FCHO1: variants seen among roughly 807,000 people sequenced by gnomAD.
FCHO1 encodes the protein F-BAR domain only protein 1.
In FCHO1, 45 loss-of-function variants were observed where a neutral mutation model predicts 114.4. That is an observed-to-expected ratio of 0.39 (90% CI 0.31 to 0.50). The LOEUF (loss-of-function observed/expected upper bound fraction) is 0.50, where lower values mean the gene tolerates loss of function less well. Among genes scored for constraint, FCHO1 ranks in the 20% least tolerant of loss-of-function variants. The pLI, the probability that FCHO1 is intolerant of heterozygous loss-of-function variation, is 0.77. For missense variants in FCHO1, 1,042 were observed against 1,209.6 expected (o/e 0.86, Z 2.06); for synonymous variants, 480 against 488.9 (o/e 0.98, Z 0.24).
chr19:17,761,164 G>A (rs2085988349), intron 4 of FCHO1, among the ~76,000 whole-genome samples: 1 of 152,144 alleles, frequency 6.6e-6, no homozygotes, highest in South Asian at 2.1e-4. Context: ...TTTATTCAAC[G>A]AACTCAAATG....
At chr19:17,779,262 A>G (rs1000140049) in intron 20 of FCHO1, among the ~76,000 whole-genome samples, 22 of 152,146 alleles carry the variant, frequency 1.4e-4, no homozygotes, top group Admixed American at 1.2e-3. Flanking sequence ...GTGATCACGG[A>G]AGGAGGAAGA....
chr19:17,748,168 G>A (rs2081017199), upstream of FCHO1, among the ~76,000 whole-genome samples: 1 of 152,200 alleles, frequency 6.6e-6, no homozygotes, highest in African/African-American at 2.4e-5. Context: ...CTTCCAGCCT[G>A]GAACCCTGGG....
chr19:17,785,586 C>T (rs1308762879), intron 26 of FCHO1, among the ~76,000 whole-genome samples: 1 of 152,184 alleles, frequency 6.6e-6, no homozygotes, highest in African/African-American at 2.4e-5. Flanking sequence ...GCAATCCCAG[C>T]ACTTTGGGAG....
chr19:17,774,674 G>C (rs1306453046), intron 13 of FCHO1, 196 bp downstream of exon 13: 1 of 597,500 alleles, frequency 1.7e-6, no homozygotes, highest in Admixed American at 3.0e-5. Flanking sequence ...GCCCAAGCTA[G>C]TCCAGAATTC....
chr19:17,784,714 A>G lies in FCHO1; in HGVS notation c.2227-11A>G, dbSNP rs748679406. On this transcript the variant is annotated splice_polypyrimidine_tract_variant and intron_variant, in intron 25 of 28. Transcript: ENST00000596536. The surrounding 1 kb of genome is among the most constrained non-coding windows in gnomAD (Gnocchi z 5.3). ...AAGCTGTGTCCTCTCTCTCATTCTCATTCTTCCTAGTTCTCCCGCCCGGGT... is the reference window on the plus strand; with the variant it reads ...AAGCTGTGTCCTCTCTCTCATTCTCGTTCTTCCTAGTTCTCCCGCCCGGGT... The G allele has an allele frequency of 2.5e-6, 4 of 1,613,404 alleles. No individual in the cohort carries two copies. Among genetic ancestry groups the G allele is most frequent in the East Asian group, 2.2e-5 (1 of 44,874 alleles).
At chr19:17,787,585 C>A in intron 27 of FCHO1, 97 bp from the exon 28 acceptor site, 3 of 1,373,894 alleles carry the variant, frequency 2.2e-6, no homozygotes, top group Non-Finnish European at 2.9e-6. Context: ...ATAAAGGCCA[C>A]AGAACAGAGG....
At position 17,788,336 on chromosome 19, in the gene FCHO1, A is replaced by G. The variant is rs571208344; in HGVS notation, c.*30A>G. 1 of 1,594,502 alleles carries G rather than the reference A, an allele frequency of 6.3e-7. No individual in the cohort carries two copies. Among genetic ancestry groups the G allele is most frequent in the South Asian group, 1.1e-5 (1 of 90,328 alleles). ...GCAAATGCTGCTGCCCCAGCTCTAC[A>G]CTGCGCCCTGGTGCTGGCTGACCAC... On this transcript the variant is annotated 3_prime_UTR_variant, in exon 29 of 29. Coordinates refer to ENST00000596536, the MANE Select transcript of FCHO1 (RefSeq NM_015122.3).
Position 17,762,743 on chromosome 19 carries a change from C to G in FCHO1, c.28-19C>G, listed in dbSNP as rs765589527. ...TGTTCTCTCCATCCTTTCTCAATCT[C>G]TATTCCCATCCCCTGCAGGGCGAGA... is the stretch of plus-strand genomic sequence containing the variant. On this transcript the variant is annotated intron_variant, in intron 4 of 28. Transcript: ENST00000596536. 5.1e-6 allele frequency: 8 copies of G among 1,579,276 alleles called. No homozygotes were observed. Among genetic ancestry groups the G allele is most frequent in the East Asian group, 4.5e-5 (2 of 44,696 alleles).
intron 28 of FCHO1, 34 bp from the exon 29 acceptor site, chr19:17,788,245 TCCTCC>T: frequency 2.1e-6 from 1 of 474,974 alleles, no homozygotes; most frequent in Non-Finnish European, 3.9e-6. Context: ...CCCGTACCCC[TCCTCC>T]CCACCCCTCC....
chr19:17,773,007 A>G (rs1218337853), intron 11 of FCHO1, among the ~76,000 whole-genome samples: 10 of 152,158 alleles, frequency 6.6e-5, no homozygotes, highest in Non-Finnish European at 4.4e-5. Flanking sequence ...TGACAAGTCC[A>G]GCTCTCCAGC....
intron 4 of FCHO1, among the ~76,000 whole-genome samples, chr19:17,759,594 C>T (rs1447926528): frequency 3.9e-5 from 6 of 151,954 alleles, no homozygotes; most frequent in African/African-American, 7.3e-5. Context: ...CAACAGCGGG[C>T]GCAGAGGACC....
chr19:17,749,017 T>C (rs1568305094), upstream of FCHO1, among the ~76,000 whole-genome samples: 1 of 152,122 alleles, frequency 6.6e-6, no homozygotes, highest in Non-Finnish European at 1.5e-5. Context: ...GCTGAGGGCA[T>C]GGGGACAGGG....
chr19:17,769,273 T>TAA (rs2090571153), intron 7 of FCHO1, among the ~76,000 whole-genome samples: 2 of 5,680 alleles, frequency 3.5e-4, no homozygotes, highest in Non-Finnish European at 3.9e-4. Context: ...AGACTCCGCC[T>TAA]CAAAAAAAAA....
intron 18 of FCHO1, among the ~76,000 whole-genome samples, chr19:17,777,515 A>T (rs1455675241): frequency 7.4e-6 from 1 of 135,914 alleles, no homozygotes; most frequent in African/African-American, 2.9e-5. Flanking sequence ...CAGCCTGGGC[A>T]GCAAGAGGAA....
At chr19:17,762,187 T>C (rs1032235065) in intron 4 of FCHO1, among the ~76,000 whole-genome samples, 6 of 152,172 alleles carry the variant, frequency 3.9e-5, no homozygotes, top group Non-Finnish European at 8.8e-5. Flanking sequence ...AGTTTTGCCA[T>C]GTTGGCCAGG....
Position 17,775,843 on chromosome 19 carries a change from G to A in FCHO1, c.1004-140G>A. The A allele has an allele frequency of 1.0e-6, 1 of 967,806 alleles. No individual in the cohort carries two copies. The highest frequency in any genetic ancestry group is 1.6e-5 in the South Asian group (1 of 62,972). The allele number at this position is 967,806 out of a possible 1,614,324, so 60.0% of individuals were successfully genotyped here. ...GGAGTGCTGGTGGGACATGGTGTCA[G>A]GACTGAAGGTGGCGCGTGGTGAGCG... On this transcript the variant is annotated intron_variant, in intron 15 of 28. Coordinates refer to ENST00000596536, the MANE Select transcript of FCHO1 (RefSeq NM_015122.3). This position sits in a 1 kb window ranked among gnomAD's most constrained non-coding sequence, Gnocchi z 5.1.
rs546222879 is a variant in FCHO1 at position 17,786,048 on chromosome 19, A to G, written c.2427-526A>G. On this transcript the variant is annotated intron_variant, in intron 26 of 28. Coordinates refer to ENST00000596536, the MANE Select transcript of FCHO1 (RefSeq NM_015122.3). ...GAATGCGTCATCTAAAAGTGCTGCA[A>G]GGAAGCCGGGCATGGTGGCTTATGC... 9.4e-4 allele frequency among the ~76,000 whole-genome samples: 143 copies of G among 152,206 alleles called. 2 individuals are homozygous for G. Among genetic ancestry groups the G allele is most frequent in the African/African-American group, 3.3e-3 (138 of 41,538 alleles).
At chr19:17,766,158 G>T (rs1247589226) in intron 6 of FCHO1, among the ~76,000 whole-genome samples, 2 of 150,008 alleles carry the variant, frequency 1.3e-5, no homozygotes, top group Non-Finnish European at 3.0e-5. Flanking sequence ...CCAAAGTGCT[G>T]GGATTACAGG....
intron 9 of FCHO1, among the ~76,000 whole-genome samples, chr19:17,772,075 T>C (rs552980195): frequency 3.3e-5 from 5 of 152,304 alleles, no homozygotes; most frequent in African/African-American, 1.2e-4. Context: ...CCTCCCAAAG[T>C]GCTGGGATTA....
Sources: allele counts gnomAD v4.1 joint callset (sites outside exome capture counted in the v4.1 genomes callset), GRCh38; gene constraint gnomAD v4.1.1; non-coding constraint Gnocchi (gnomAD v3.1); transcripts MANE v1.5; gene names NCBI Gene and HGNC (gene_info 2026-07-23, HGNC 2026-07-21).